The following HDAC9 variants were observed in gnomAD, a reference collection of about 807,000 sequenced individuals.
HDAC9 encodes the protein histone deacetylase 9.
HDAC9 carries 41 observed loss-of-function variants against 139.4 expected under a neutral mutation model. The ratio of observed to expected loss-of-function variants is 0.29; its 90% CI spans 0.23 to 0.38. HDAC9 has a LOEUF of 0.38. Ranked by LOEUF, HDAC9 falls within the 10% of genes least tolerant of loss-of-function variation. The probability of loss-of-function intolerance (pLI) is 1.00; values close to 1 mark genes in which losing one functional copy is unlikely to be tolerated. For missense variants in HDAC9, 1,147 were observed against 1,297.0 expected (o/e 0.88, Z 1.78); for synonymous variants, 517 against 476.2 (o/e 1.09, Z -1.12).
At chr7:18,127,674 A>G (rs1177608755) in intron 1 of HDAC9, among the ~76,000 whole-genome samples, 1 of 152,140 alleles carries the variant, frequency 6.6e-6, no homozygotes, top group Non-Finnish European at 1.5e-5. Context: ...TAACACAGCC[A>G]TGCTTTAATG....
intron 1 of HDAC9, among the ~76,000 whole-genome samples, chr7:18,308,859 G>A (rs889027887): frequency 1.1e-4 from 16 of 152,178 alleles, no homozygotes; most frequent in African/African-American, 3.4e-4. Context: ...GGAAGATAGG[G>A]TTTGTTGAAT....
At chr7:18,693,667 A>G (rs1782829372) in intron 12 of HDAC9, among the ~76,000 whole-genome samples, 1 of 152,170 alleles carries the variant, frequency 6.6e-6, no homozygotes, top group Non-Finnish European at 1.5e-5. Flanking sequence ...CTGGGATTTC[A>G]AGGCCACTCA....
chr7:18,951,673 T>C (rs1782802637), intron 23 of HDAC9, among the ~76,000 whole-genome samples: 1 of 151,932 alleles, frequency 6.6e-6, no homozygotes, highest in African/African-American at 2.4e-5. Context: ...TTGCTGTATC[T>C]AATCACCTAA....
chr7:18,500,850 G>A (rs1429393663), intron 2 of HDAC9, among the ~76,000 whole-genome samples: 1 of 151,948 alleles, frequency 6.6e-6, no homozygotes, highest in African/African-American at 2.4e-5. Flanking sequence ...ATTAAAAAAA[G>A]CTGAAAGGTG....
At chr7:18,250,050 A>G (rs1033128378) in intron 2 of HDAC9, among the ~76,000 whole-genome samples, 1 of 152,230 alleles carries the variant, frequency 6.6e-6, no homozygotes, top group East Asian at 1.9e-4. Flanking sequence ...AAGCTCTGCC[A>G]GTGAGATAAA....
chr7:18,561,465 A>G (rs1820573747), intron 2 of HDAC9, among the ~76,000 whole-genome samples: 1 of 152,188 alleles, frequency 6.6e-6, no homozygotes, highest in Non-Finnish European at 1.5e-5. Context: ...CATGAAATTC[A>G]CCCATTTAAA....
At chr7:18,566,359 A>G (rs939225671) in intron 2 of HDAC9, among the ~76,000 whole-genome samples, 2 of 152,198 alleles carry the variant, frequency 1.3e-5, no homozygotes, top group Non-Finnish European at 2.9e-5. Context: ...TCTGGTAGGG[A>G]TCCCGCTTGC....
intron 11 of HDAC9, among the ~76,000 whole-genome samples, chr7:18,657,183 T>A (rs1791509662): frequency 1.3e-5 from 2 of 152,160 alleles, no homozygotes. Context: ...ATTAATCTCT[T>A]GTCAGAGGGG....
At chr7:18,245,135 C>G (rs1298687214) in intron 2 of HDAC9, among the ~76,000 whole-genome samples, 5 of 152,022 alleles carry the variant, frequency 3.3e-5, no homozygotes, top group African/African-American at 1.2e-4. Flanking sequence ...CATGTGGGGC[C>G]AATTTGATTT....
intron 21 of HDAC9, among the ~76,000 whole-genome samples, chr7:18,860,514 T>G (rs117220246): frequency 0.011 from 1,632 of 152,340 alleles, 16 homozygotes; most frequent in Non-Finnish European, 0.016. Flanking sequence ...AAATATACTT[T>G]CTTCCTTGGT....
intron 1 of HDAC9, chr7:18,162,197 A>T (rs1787674161): frequency 5.1e-6 from 4 of 790,494 alleles, no homozygotes; most frequent in Non-Finnish European, 8.3e-6. Flanking sequence ...TATAGCTTGT[A>T]TCTTAAACAC....
chr7:18,232,697 T>G (rs1253300519), intron 2 of HDAC9, among the ~76,000 whole-genome samples: 1 of 152,202 alleles, frequency 6.6e-6, no homozygotes, highest in Non-Finnish European at 1.5e-5. Flanking sequence ...ATTACACAAA[T>G]CAGATTGGAT....
chr7:18,824,304 T>C (rs1165234983), intron 17 of HDAC9, among the ~76,000 whole-genome samples: 1 of 152,092 alleles, frequency 6.6e-6, no homozygotes, highest in African/African-American at 2.4e-5. Flanking sequence ...CCACCTAACC[T>C]ATGGCAACCT....
At chr7:18,623,868 G>C (rs138082218) in intron 6 of HDAC9, among the ~76,000 whole-genome samples, 1 of 152,164 alleles carries the variant, frequency 6.6e-6, no homozygotes, top group Admixed American at 6.6e-5. Context: ...GAACCCAGGA[G>C]GGGGAGGTTA....
At chr7:18,668,140 A>G (rs1584797477) in intron 12 of HDAC9, 3 of 853,196 alleles carry the variant, frequency 3.5e-6, no homozygotes, top group East Asian at 2.4e-4. Context: ...ACTGCTAAAG[A>G]TACATTATCC....
intron 2 of HDAC9, among the ~76,000 whole-genome samples, chr7:18,566,712 T>G (rs760308285): frequency 4.6e-5 from 7 of 152,196 alleles, no homozygotes; most frequent in Non-Finnish European, 8.8e-5. Context: ...ATTGACAAGG[T>G]ATTGGGCATT....
chr7:18,924,614 TC>T (rs1276257211), intron 22 of HDAC9, among the ~76,000 whole-genome samples: 1 of 152,186 alleles, frequency 6.6e-6, no homozygotes. Flanking sequence ...GTTTTGTTTT[TC>T]TACCATTTAA....
In HDAC9 at chr7:18,431,777, A is replaced by C. The variant is rs545066144; in HGVS notation, c.-41-64485A>C. On this transcript the variant is annotated intron_variant, in intron 1 of 3. Coordinates refer to the HDAC9 transcript ENST00000413509. Reference sequence around the variant, plus strand: ...AATACGATTGTGGGTATGACTGTGAATTTCATATCAATTCCTTCAGACTCA... The same window carrying C: ...AATACGATTGTGGGTATGACTGTGACTTTCATATCAATTCCTTCAGACTCA... 9.2e-5 allele frequency among the ~76,000 whole-genome samples: 14 copies of C among 152,330 alleles called. No individual in the cohort carries two copies. In the South Asian group the frequency reaches 2.1e-3, roughly 23 times the overall value.
intron 1 of HDAC9, among the ~76,000 whole-genome samples, chr7:18,407,136 C>A (rs560923174): frequency 6.6e-6 from 1 of 152,078 alleles, no homozygotes; most frequent in Non-Finnish European, 1.5e-5. Flanking sequence ...AGGTCTGGTC[C>A]TTTTTTCTTT....
Sources: allele counts gnomAD v4.1 joint callset (sites outside exome capture counted in the v4.1 genomes callset), GRCh38; gene constraint gnomAD v4.1.1; transcripts MANE v1.5; gene names NCBI Gene and HGNC (gene_info 2026-07-23, HGNC 2026-07-21).